Variants in FIP1L1 observed in about 807,000 individuals in gnomAD.
The protein encoded by FIP1L1 is factor interacting with PAPOLA and CPSF1.
In FIP1L1, 21 loss-of-function variants were observed where a neutral mutation model predicts 84.6. The observed-to-expected ratio is 0.25, with a 90% CI of 0.18 to 0.36. FIP1L1 has a LOEUF of 0.36. FIP1L1 is among the 10% of genes least tolerant of loss of function. The pLI, the probability that FIP1L1 is intolerant of heterozygous loss-of-function variation, is 1.00. For missense variants in FIP1L1, 526 were observed against 751.1 expected (o/e 0.70, Z 3.50); for synonymous variants, 263 against 242.3 (o/e 1.09, Z -0.80).
At chr4:53,410,769 T>C (rs1196116157) in intron 10 of FIP1L1, among the ~76,000 whole-genome samples, 1 of 152,218 alleles carries the variant, frequency 6.6e-6, no homozygotes, top group Admixed American at 6.5e-5. Flanking sequence ...GCAATTACTT[T>C]TGCACTCACC....
chr4:53,456,721 A>G (rs1719237412), intron 16 of FIP1L1, among the ~76,000 whole-genome samples: 1 of 152,002 alleles, frequency 6.6e-6, no homozygotes, highest in African/African-American at 2.4e-5. Flanking sequence ...GTCCAGAGAA[A>G]CCTTTGTGGT....
intron 14 of FIP1L1, among the ~76,000 whole-genome samples, chr4:53,442,936 T>C (rs1772621808): frequency 6.6e-6 from 1 of 152,136 alleles, no homozygotes. Context: ...AATATCTTGC[T>C]TTGATTTATG....
chr4:53,399,572 C>T (rs1466569396), intron 9 of FIP1L1, among the ~76,000 whole-genome samples, 158 bp from the exon 10 acceptor site: 1 of 152,186 alleles, frequency 6.6e-6, no homozygotes, highest in Non-Finnish European at 1.5e-5. Context: ...TCACCTAATA[C>T]TGTTCTAAAA....
intron 14 of FIP1L1, 72 bp from the exon 15 acceptor site, chr4:53,443,976 C>G: frequency 4.9e-6 from 5 of 1,016,124 alleles, no homozygotes; most frequent in African/African-American, 1.6e-5. Context: ...CTTGTTTTTC[C>G]TTTTGTACTA....
chr4:53,424,357 T>C (rs1763529585), intron 11 of FIP1L1, among the ~76,000 whole-genome samples: 1 of 152,082 alleles, frequency 6.6e-6, no homozygotes, highest in South Asian at 2.1e-4. Context: ...GGAAGCAATA[T>C]TTGTTTTATT....
rs1195587184 is a variant in FIP1L1 at position 53,377,650 on chromosome 4, C to T, written c.-189C>T. 1.0e-5 allele frequency: 5 copies of T among 496,402 alleles called. No homozygotes were observed. Among genetic ancestry groups the T allele is most frequent in the African/African-American group, 2.0e-5 (1 of 49,992 alleles). 30.7% of individuals were successfully genotyped at this position (496,402 alleles called of 1,614,324 possible). On this transcript the variant is annotated 5_prime_UTR_variant, in exon 1 of 18. Coordinates refer to ENST00000337488, the MANE Select transcript of FIP1L1 (RefSeq NM_030917.4). ...GCCGCTTGGGTCTCCTGCGCATGCGCAGACGGACCTGCGCTGGAGGCTTCA... is the reference window on the plus strand; with the variant it reads ...GCCGCTTGGGTCTCCTGCGCATGCGTAGACGGACCTGCGCTGGAGGCTTCA...
At chr4:53,417,851 T>G (rs1760532263) in intron 11 of FIP1L1, among the ~76,000 whole-genome samples, 3 of 151,490 alleles carry the variant, frequency 2.0e-5, no homozygotes. Context: ...AAACACACAC[T>G]GTCTCACTCT....
At position 53,460,573 on chromosome 4, in the gene FIP1L1, A is replaced by G. The variant is rs939949250; in HGVS notation, c.*1124A>G. On this transcript the variant is annotated 3_prime_UTR_variant, in exon 18 of 18. Transcript: ENST00000337488. The stretch of plus-strand genomic sequence containing the variant: ...CCATAATGTACCCTTGGCAGACTTC[A>G]GCATATACCAAATTTTAAATTTAAA... 1 of 247,050 alleles carries G rather than the reference A, an allele frequency of 4.0e-6. No individual in the cohort carries two copies. The highest frequency in any genetic ancestry group is 1.2e-4 in the South Asian group (1 of 8,636). 15.3% of individuals were successfully genotyped at this position (247,050 alleles called of 1,614,324 possible). A position where few individuals can be genotyped will look rare whatever the true frequency, so the allele number is the denominator to read the frequency against.
intron 11 of FIP1L1, among the ~76,000 whole-genome samples, chr4:53,421,182 T>C (rs1051905549): frequency 1.3e-5 from 2 of 152,182 alleles, no homozygotes; most frequent in Non-Finnish European, 2.9e-5. Context: ...TGAAGTAAAA[T>C]GATAGATGTA....
intron 13 of FIP1L1, among the ~76,000 whole-genome samples, chr4:53,437,107 G>A (rs1192825527): frequency 2.6e-5 from 4 of 151,752 alleles, no homozygotes; most frequent in East Asian, 1.9e-4. Context: ...CGGGTGGATC[G>A]CTTGAGCCCA....
At chr4:53,425,825 A>G (rs751893873) in intron 11 of FIP1L1, 47 bp from the exon 12 acceptor site, 1 of 1,307,880 alleles carries the variant, frequency 7.6e-7, no homozygotes, top group East Asian at 2.3e-5. Flanking sequence ...TTATTTTTTA[A>G]GCATCTAATT....
rs558457689 is a variant in FIP1L1, at chr4:53,428,173, T to A, written c.1164T>A (p.Ile388=). 1.3e-6 allele frequency: 2 copies of A among 1,579,704 alleles called. No individual in the cohort carries two copies. Among genetic ancestry groups the A allele is most frequent in the South Asian group, 2.4e-5 (2 of 84,360 alleles). The change falls in exon 13 of 18, where the codon ATT becomes ATA. Residue 388 remains isoleucine, a synonymous_variant. Coordinates refer to ENST00000337488, the MANE Select transcript of FIP1L1 (RefSeq NM_030917.4). ...PPTVSTAPPL[I]PPPGFPPPPG... ...CTGTCAGCACTGCTCCACCTCTGAT[T>A]CCACCACCGGGTAAATAGTAAATAA... is the stretch of plus-strand genomic sequence containing the variant.
At chr4:53,382,428 C>T in intron 4 of FIP1L1, 93 bp downstream of exon 4, 1 of 967,246 alleles carries the variant, frequency 1.0e-6, no homozygotes, top group Non-Finnish European at 1.7e-6. Flanking sequence ...TTTACATTAC[C>T]TTCAGTATCA....
At chr4:53,421,711 C>T (rs1192833079) in intron 11 of FIP1L1, among the ~76,000 whole-genome samples, 1 of 152,172 alleles carries the variant, frequency 6.6e-6, no homozygotes, top group Non-Finnish European at 1.5e-5. Flanking sequence ...TAGATGTCTA[C>T]ATTGATATGT....
chr4:53,382,363 C>T, intron 4 of FIP1L1, 28 bp downstream of exon 4: 2 of 1,577,178 alleles, frequency 1.3e-6, no homozygotes, highest in Non-Finnish European at 1.7e-6. Context: ...AATCCAGTTA[C>T]TGATACAAAT....
chr4:53,396,029 C>T (rs1254574104), intron 9 of FIP1L1, among the ~76,000 whole-genome samples: 1 of 151,712 alleles, frequency 6.6e-6, no homozygotes, highest in Non-Finnish European at 1.5e-5. Flanking sequence ...AGTGATTCTC[C>T]TGCCTCAGCC....
intron 15 of FIP1L1, among the ~76,000 whole-genome samples, chr4:53,451,898 T>TG (rs1223701210): frequency 2.9e-4 from 41 of 142,358 alleles, no homozygotes; most frequent in East Asian, 6.0e-4. Context: ...TTTTTTTTTT[T>TG]TTTGAGATAG....
At chr4:53,433,819 C>A (rs1472852733) in intron 13 of FIP1L1, among the ~76,000 whole-genome samples, 1 of 152,152 alleles carries the variant, frequency 6.6e-6, no homozygotes, top group African/African-American at 2.4e-5. Flanking sequence ...AAGTAGATTT[C>A]TTCCTAAAAG....
At chr4:53,445,893 G>A (rs1034774948) in intron 15 of FIP1L1, among the ~76,000 whole-genome samples, 2 of 152,072 alleles carry the variant, frequency 1.3e-5, no homozygotes, top group African/African-American at 4.8e-5. Flanking sequence ...GATGTTTTGG[G>A]GTGACATATT....
Sources: allele counts gnomAD v4.1 joint callset (sites outside exome capture counted in the v4.1 genomes callset), GRCh38; gene constraint gnomAD v4.1.1; transcripts MANE v1.5; gene names NCBI Gene and HGNC (gene_info 2026-07-23, HGNC 2026-07-21).